NRG2: variants seen among roughly 807,000 people sequenced by gnomAD.
NRG2 encodes neuregulin 2, also known as pro-neuregulin-2, membrane-bound isoform.
A neutral mutation model predicts 73.9 loss-of-function variants in NRG2; 27 were observed. The observed-to-expected ratio is 0.37, with a 90% confidence interval of 0.27 to 0.50. NRG2 has a LOEUF of 0.50. NRG2 is among the 20% of genes least tolerant of loss of function. NRG2 has a pLI of 0.96. For synonymous variants in NRG2, 532 were observed against 541.0 expected (o/e 0.98, Z 0.23); for missense variants, 1,126 against 1,210.1 (o/e 0.93, Z 1.03).
At chr5:139,920,077 A>G (rs1269240917) in intron 1 of NRG2, among the ~76,000 whole-genome samples, 1 of 152,224 alleles carries the variant, frequency 6.6e-6, no homozygotes, top group Non-Finnish European at 1.5e-5. Context: ...AAACAGGGAG[A>G]ATAGCATATG....
At chr5:140,023,067 T>A (rs1760368874) in intron 1 of NRG2, among the ~76,000 whole-genome samples, 1 of 152,212 alleles carries the variant, frequency 6.6e-6, no homozygotes, top group Non-Finnish European at 1.5e-5. Context: ...CTCCAGAACA[T>A]GCACCTCTAC....
At chr5:139,934,854 T>C (rs887462526) in intron 1 of NRG2, among the ~76,000 whole-genome samples, 1 of 152,132 alleles carries the variant, frequency 6.6e-6, no homozygotes, top group Non-Finnish European at 1.5e-5. Context: ...GAAAAAGGGA[T>C]TCATTCATTC....
In NRG2 at chr5:139,848,113, CCGTCCGCGT is replaced by C. The variant is rs771225497; in HGVS notation, c.2348_2356del (p.Asp783_Asp785del). ...AGGTGTGCTCTCGGCCGCCAGCGCC[CCGTCCGCGT>C]CGTCCGCGTCGTCGTCCGACGCCGA... On this transcript the variant is annotated inframe_deletion, in exon 10 of 10. Coordinates refer to ENST00000361474, the MANE Select transcript of NRG2 (RefSeq NM_004883.3). The C allele has an allele frequency of 1.6e-4, 241 of 1,474,646 alleles. No homozygotes were observed. In the African/African-American group the frequency reaches 2.3e-3, roughly 14 times the overall value. 91.3% of individuals were successfully genotyped at this position (1,474,646 alleles called of 1,614,324 possible). A position where few individuals can be genotyped will look rare whatever the true frequency, so the allele number is the denominator to read the frequency against.
chr5:139,898,124 G>A (rs1764661892), intron 1 of NRG2, among the ~76,000 whole-genome samples: 1 of 152,260 alleles, frequency 6.6e-6, no homozygotes. Flanking sequence ...GCTGAGCAAT[G>A]TGCTCCTCAC....
chr5:139,904,205 C>T lies in NRG2; in HGVS notation c.701-16694G>A. On this transcript the variant is annotated intron_variant, in intron 1 of 9. Transcript: ENST00000361474. The surrounding 1 kb of genome is among the most constrained non-coding windows in gnomAD (Gnocchi z 6.0). ...TCGGTGCCTGTCACCGCGGCGGCCG[C>T]TAGCGCAGCCTAGACTCACCCGCGC... 8.2e-7 allele frequency: 1 copy of T among 1,223,350 alleles called. No individual in the cohort carries two copies. The highest frequency in any genetic ancestry group is 3.1e-5 in the East Asian group (1 of 32,294). 75.8% of individuals were successfully genotyped at this position (1,223,350 alleles called of 1,614,324 possible). A position where few individuals can be genotyped will look rare whatever the true frequency, so the allele number is the denominator to read the frequency against.
intron 1 of NRG2, among the ~76,000 whole-genome samples, chr5:140,041,793 G>C (rs1227921327): frequency 2.0e-5 from 3 of 152,118 alleles, no homozygotes; most frequent in African/African-American, 7.2e-5. Flanking sequence ...GAAAACAGTA[G>C]CAGAAAAAGT....
At chr5:140,039,769 C>G (rs972729619) in intron 1 of NRG2, among the ~76,000 whole-genome samples, 2 of 152,146 alleles carry the variant, frequency 1.3e-5, no homozygotes. Context: ...ACACTCAGAC[C>G]TGAAACTAGC....
intron 1 of NRG2, among the ~76,000 whole-genome samples, chr5:139,925,072 G>A (rs1330698756): frequency 6.6e-6 from 1 of 152,172 alleles, no homozygotes; most frequent in Non-Finnish European, 1.5e-5. Context: ...GGATAGCCCA[G>A]GACTCAAGGA....
intron 1 of NRG2, among the ~76,000 whole-genome samples, chr5:139,993,239 T>G (rs1757772267): frequency 6.6e-6 from 1 of 152,150 alleles, no homozygotes; most frequent in Admixed American, 6.5e-5. Flanking sequence ...CTCATTGACA[T>G]TAGGATAAAA....
At position 139,865,216 on chromosome 5, in the gene NRG2, A is replaced by T. The variant is rs1319237639; in HGVS notation, c.1189+333T>A. Reference sequence around the variant, plus strand: ...ACCAGAAAGAGAGAGCCAGGATAGCAAGACACAGGCATTGCAACACCCCGG... The same window carrying T: ...ACCAGAAAGAGAGAGCCAGGATAGCTAGACACAGGCATTGCAACACCCCGG... On this transcript the variant is annotated intron_variant, in intron 5 of 9. Transcript: ENST00000361474. The surrounding 1 kb of genome is among the most constrained non-coding windows in gnomAD (Gnocchi z 5.2). 1 of 1,546,428 alleles carries T rather than the reference A, an allele frequency of 6.5e-7. No individual in the cohort carries two copies. The highest frequency in any genetic ancestry group is 8.9e-7 in the Non-Finnish European group (1 of 1,119,024).
Position 139,894,914 on chromosome 5 carries a change from A to G in NRG2, c.701-7403T>C, listed in dbSNP as rs1011478525. Reference sequence around the variant, plus strand: ...CAGCTCAGCAGCCCAGGTGCCTGGCATCTCAGCTGCAAGGTAGAGAAGAGG... The same window carrying G: ...CAGCTCAGCAGCCCAGGTGCCTGGCGTCTCAGCTGCAAGGTAGAGAAGAGG... On this transcript the variant is annotated intron_variant, in intron 1 of 9. Transcript: ENST00000361474. The surrounding 1 kb of genome is among the most constrained non-coding windows in gnomAD (Gnocchi z 5.0). Among the ~76,000 whole-genome samples, 7 of 152,158 alleles carry G rather than the reference A, an allele frequency of 4.6e-5. No homozygotes were observed. The highest frequency in any genetic ancestry group is 1.0e-4 in the Non-Finnish European group (7 of 68,002).
At position 139,954,528 on chromosome 5, in the gene NRG2, C is replaced by T. The variant is rs542373950; in HGVS notation, c.701-67017G>A. The stretch of plus-strand genomic sequence containing the variant: ...TGAGGAAGTGGCAATGGCTTCTCAA[C>T]GCCTTAGTCAAGATAAATAAACTTC... On this transcript the variant is annotated intron_variant, in intron 1 of 9. Coordinates refer to ENST00000361474, the MANE Select transcript of NRG2 (RefSeq NM_004883.3). This position sits in a 1 kb window ranked among gnomAD's most constrained non-coding sequence, Gnocchi z 5.0. Among the ~76,000 whole-genome samples the T allele has an allele frequency of 5.9e-5, 9 of 152,286 alleles. No individual in the cohort carries two copies. The highest frequency in any genetic ancestry group is 6.8e-3 in the Middle Eastern group (2 of 294).
chr5:140,003,459 G>C (rs1011570092), intron 1 of NRG2, among the ~76,000 whole-genome samples: 1 of 152,294 alleles, frequency 6.6e-6, no homozygotes. Context: ...AGAGACAGGG[G>C]TTGGAAGACA....
intron 1 of NRG2, among the ~76,000 whole-genome samples, chr5:139,907,484 T>G (rs1420331161): frequency 1.3e-5 from 2 of 152,066 alleles, no homozygotes; most frequent in Non-Finnish European, 2.9e-5. Context: ...GTGGGACAGA[T>G]AAGTGACCCT....
intron 2 of NRG2, among the ~76,000 whole-genome samples, chr5:139,884,973 C>T (rs974269113): frequency 3.9e-5 from 6 of 152,044 alleles, no homozygotes; most frequent in Non-Finnish European, 8.8e-5. Flanking sequence ...AGCAGAGAGT[C>T]TGGTTGAGCC....
intron 1 of NRG2, among the ~76,000 whole-genome samples, chr5:140,017,104 C>G (rs541085409): frequency 2.0e-5 from 3 of 152,232 alleles, no homozygotes; most frequent in Admixed American, 1.3e-4. Context: ...TACAGTAAAA[C>G]AGATGAAAGA....
chr5:139,904,338 C>T lies in NRG2; in HGVS notation c.701-16827G>A, dbSNP rs1204293402. 3 of 1,592,822 alleles carry T rather than the reference C, an allele frequency of 1.9e-6. No individual in the cohort carries two copies. Among genetic ancestry groups the T allele is most frequent in the Non-Finnish European group, 2.5e-6 (3 of 1,177,640 alleles). Reference sequence around the variant, plus strand: ...CCCCGGGATCGGGCTCCCTCTCCCGCTTCCTCCCCTCTGGGTGCTTCTTGC... The same window carrying T: ...CCCCGGGATCGGGCTCCCTCTCCCGTTTCCTCCCCTCTGGGTGCTTCTTGC... On this transcript the variant is annotated intron_variant, in intron 1 of 9. Coordinates refer to ENST00000361474, the MANE Select transcript of NRG2 (RefSeq NM_004883.3). This position sits in a 1 kb window ranked among gnomAD's most constrained non-coding sequence, Gnocchi z 6.0.
At chr5:140,028,015 G>A (rs529095320) in intron 1 of NRG2, among the ~76,000 whole-genome samples, 1 of 152,262 alleles carries the variant, frequency 6.6e-6, no homozygotes, top group South Asian at 2.1e-4. Context: ...AAACTGCTAG[G>A]GACTAGCGAC....
At chr5:139,933,189 G>A (rs1640586968) in intron 1 of NRG2, among the ~76,000 whole-genome samples, 2 of 151,982 alleles carry the variant, frequency 1.3e-5, no homozygotes, top group Admixed American at 6.5e-5. Context: ...GCAGGAGAAT[G>A]GCTTGAATCC....
Sources: allele counts gnomAD v4.1 joint callset (sites outside exome capture counted in the v4.1 genomes callset), GRCh38; gene constraint gnomAD v4.1.1; non-coding constraint Gnocchi (gnomAD v3.1); transcripts MANE v1.5; gene names NCBI Gene and HGNC (gene_info 2026-07-23, HGNC 2026-07-21).